The following B3GALT1 variants were observed in gnomAD, a reference collection of about 807,000 sequenced individuals.
The protein encoded by B3GALT1 is UDP-Gal:betaGlcNAc beta 1,3-galactosyltransferase, polypeptide 1.
In B3GALT1, 10 loss-of-function variants were observed where a neutral mutation model predicts 23.2. That is an observed-to-expected ratio of 0.43 (90% CI 0.27 to 0.73). The LOEUF (loss-of-function observed/expected upper bound fraction) is 0.73, where lower values mean the gene tolerates loss of function less well. B3GALT1 is among the 30% of genes least tolerant of loss of function. The probability of loss-of-function intolerance (pLI) is 0.21; values close to 1 mark genes in which losing one functional copy is unlikely to be tolerated. For missense variants in B3GALT1, 299 were observed against 405.4 expected, an observed-to-expected ratio of 0.74 and a Z score of 2.25; for synonymous variants, 156 against 141.5, an observed-to-expected ratio of 1.10 and a Z score of -0.73.
At chr2:167,530,670 C>A (rs1385967373) in intron 2 of B3GALT1, among the ~76,000 whole-genome samples, 2 of 152,286 alleles carry the variant, frequency 1.3e-5, no homozygotes, top group East Asian at 3.9e-4. Flanking sequence ...CACCCTGTAG[C>A]CTGCATGGCA....
intron 3 of B3GALT1, among the ~76,000 whole-genome samples, chr2:167,683,812 G>A (rs531950292): frequency 6.6e-6 from 1 of 152,222 alleles, no homozygotes; most frequent in African/African-American, 2.4e-5. Context: ...GATTCCTTAG[G>A]AGGAACTATG....
At chr2:167,453,886 T>G (rs1463009116) in intron 1 of B3GALT1, among the ~76,000 whole-genome samples, 1 of 152,230 alleles carries the variant, frequency 6.6e-6, no homozygotes, top group African/African-American at 2.4e-5. Flanking sequence ...CTGATTGATA[T>G]ATCGGCTAAA....
intron 1 of B3GALT1, among the ~76,000 whole-genome samples, chr2:167,358,006 G>A (rs1295536664): frequency 2.6e-5 from 4 of 151,926 alleles, no homozygotes; most frequent in Non-Finnish European, 5.9e-5. Flanking sequence ...GAGTATTTTG[G>A]ATAGGATTTC....
chr2:167,390,179 C>T (rs1377809564), intron 1 of B3GALT1, among the ~76,000 whole-genome samples: 1 of 152,130 alleles, frequency 6.6e-6, no homozygotes, highest in Non-Finnish European at 1.5e-5. Context: ...AGGCTGAATC[C>T]AGAGCCATGT....
At chr2:167,414,300 G>T (rs1296299785) in intron 1 of B3GALT1, among the ~76,000 whole-genome samples, 1 of 152,066 alleles carries the variant, frequency 6.6e-6, no homozygotes, top group Non-Finnish European at 1.5e-5. Context: ...GAAAACTTGT[G>T]TTTTTATCTT....
At chr2:167,746,374 T>C (rs17643738) in intron 3 of B3GALT1, among the ~76,000 whole-genome samples, 29,685 of 152,250 alleles carry the variant, frequency 0.19, 3,633 homozygotes, top group Admixed American at 0.29. Flanking sequence ...GCAATCTTAC[T>C]GCATTGATTT....
At chr2:167,687,829 A>G in intron 3 of B3GALT1, among the ~76,000 whole-genome samples, 1 of 152,160 alleles carries the variant, frequency 6.6e-6, no homozygotes, top group East Asian at 1.9e-4. Flanking sequence ...ATAAATTTAA[A>G]CAAATATACA....
chr2:167,789,660 A>G (rs1688401062), intron 3 of B3GALT1, among the ~76,000 whole-genome samples: 1 of 152,160 alleles, frequency 6.6e-6, no homozygotes, highest in South Asian at 2.1e-4. Flanking sequence ...GCCAATACCC[A>G]ATACCAAAAA....
At chr2:167,636,913 A>C (rs1379160121) in intron 2 of B3GALT1, among the ~76,000 whole-genome samples, 1 of 152,054 alleles carries the variant, frequency 6.6e-6, no homozygotes, top group Non-Finnish European at 1.5e-5. Context: ...GCAGCAAACC[A>C]ACATGGCATG....
rs75089835 is a variant in B3GALT1 at position 167,582,484 on chromosome 2, A to G, written c.-409-64425A>G. Among the ~76,000 whole-genome samples, 1,057 of 152,324 alleles carry G rather than the reference A, an allele frequency of 6.9e-3. 40 individuals are homozygous for G. In the East Asian group the frequency reaches 0.089, roughly 13 times the overall value. On this transcript the variant is annotated intron_variant, in intron 2 of 4. Transcript: ENST00000392690. ...TTATGTCTTTCACTAGCTTCCACAC[A>G]CTAAGTAGTAGAAAGTAAAGACGTA...
At position 167,477,469 on chromosome 2, in the gene B3GALT1, G is replaced by T. The variant is rs186330269; in HGVS notation, c.-510-12708G>T. The stretch of plus-strand genomic sequence containing the variant: ...AAGAATCATAAGAAGAATAAAATTA[G>T]GTGATTAGACAGAAGAAAGAGGAAG... On this transcript the variant is annotated intron_variant, in intron 1 of 4. Transcript: ENST00000392690. 1.3e-5 allele frequency among the ~76,000 whole-genome samples: 2 copies of T among 152,252 alleles called. 1 individual carries two copies. The highest frequency in any genetic ancestry group is 1.3e-4 in the Admixed American group (2 of 15,280).
chr2:167,382,327 T>G (rs1413049728), intron 1 of B3GALT1, among the ~76,000 whole-genome samples: 1 of 152,178 alleles, frequency 6.6e-6, no homozygotes, highest in East Asian at 1.9e-4. Context: ...TTTTTCCTGA[T>G]TTTTTAAAAA....
chr2:167,300,436 A>G (rs1309549128), intron 1 of B3GALT1, among the ~76,000 whole-genome samples: 1 of 152,228 alleles, frequency 6.6e-6, no homozygotes, highest in Non-Finnish European at 1.5e-5. Flanking sequence ...AGATTGTTGT[A>G]AAATGTACAG....
chr2:167,721,512 T>C (rs1329867571), intron 3 of B3GALT1, among the ~76,000 whole-genome samples: 2 of 152,110 alleles, frequency 1.3e-5, no homozygotes. Flanking sequence ...TATAACAGTG[T>C]TGTGTTTTCT....
chr2:167,312,067 G>A (rs1056269653), intron 1 of B3GALT1, among the ~76,000 whole-genome samples: 6 of 151,810 alleles, frequency 4.0e-5, no homozygotes, highest in Non-Finnish European at 5.9e-5. Flanking sequence ...TTATGTTGAC[G>A]GATTTGGAAA....
At chr2:167,316,833 G>T (rs1438864938) in intron 1 of B3GALT1, among the ~76,000 whole-genome samples, 1 of 152,022 alleles carries the variant, frequency 6.6e-6, no homozygotes, top group African/African-American at 2.4e-5. Context: ...TAAACTACTT[G>T]CACTCGAGTC....
chr2:167,785,512 G>A (rs1393224092), intron 3 of B3GALT1, among the ~76,000 whole-genome samples: 2 of 152,194 alleles, frequency 1.3e-5, no homozygotes, highest in Non-Finnish European at 2.9e-5. Flanking sequence ...TAATCAGGTT[G>A]TGTTGCAGGT....
At chr2:167,585,538 GAA>G (rs1392557540) in intron 2 of B3GALT1, among the ~76,000 whole-genome samples, 4 of 152,136 alleles carry the variant, frequency 2.6e-5, no homozygotes, top group Admixed American at 2.6e-4. Context: ...TAAAATTTAA[GAA>G]AATGACAAAT....
chr2:167,515,967 T>A lies in B3GALT1; in HGVS notation c.-410+25690T>A, dbSNP rs546123981. 1.1e-4 allele frequency among the ~76,000 whole-genome samples: 16 copies of A among 152,212 alleles called. No individual in the cohort carries two copies. The East Asian group carries it at 3.1e-3, about 29-fold the overall frequency. ...AGGCCTATCTATGTATTCAGCGTAT[T>A]CTAGCAATACTATTCTGAAGCAAGG... On this transcript the variant is annotated intron_variant, in intron 2 of 4. Coordinates refer to ENST00000392690, the MANE Select transcript of B3GALT1 (RefSeq NM_020981.4).
Sources: allele counts gnomAD v4.1 joint callset (sites outside exome capture counted in the v4.1 genomes callset), GRCh38; gene constraint gnomAD v4.1.1; transcripts MANE v1.5; gene names NCBI Gene and HGNC (gene_info 2026-07-23, HGNC 2026-07-21).